The following DOK6 variants were observed in gnomAD, a reference collection of about 807,000 sequenced individuals.
DOK6 encodes downstream of tyrosine kinase 6.
DOK6 carries 22 observed loss-of-function variants against 44.0 expected under a neutral mutation model. That is an observed-to-expected ratio of 0.50 (90% CI 0.36 to 0.71). The LOEUF is 0.71. DOK6 is among the 30% of genes least tolerant of loss of function. The pLI, the probability that DOK6 is intolerant of heterozygous loss-of-function variation, is 0.00. For synonymous variants in DOK6, 166 were observed against 145.5 expected (o/e 1.14, Z -1.01); for missense variants, 340 against 416.4 (o/e 0.82, Z 1.60).
At chr18:69,651,427 T>C (rs1362089876) in intron 3 of DOK6, among the ~76,000 whole-genome samples, 3 of 151,836 alleles carry the variant, frequency 2.0e-5, no homozygotes, top group Non-Finnish European at 4.4e-5. Flanking sequence ...GACTTTTTGG[T>C]TCCTCCTTAG....
At chr18:69,806,556 T>G (rs1205542461) in intron 7 of DOK6, among the ~76,000 whole-genome samples, 2 of 151,908 alleles carry the variant, frequency 1.3e-5, no homozygotes, top group African/African-American at 4.8e-5. Flanking sequence ...GAAAAATAAA[T>G]TTTGCAGCTT....
chr18:69,448,160 T>C (rs1216884487), intron 1 of DOK6, among the ~76,000 whole-genome samples: 2 of 152,148 alleles, frequency 1.3e-5, no homozygotes, highest in African/African-American at 4.8e-5. Context: ...AATGCCACAG[T>C]GATTTCTTAC....
intron 3 of DOK6, among the ~76,000 whole-genome samples, chr18:69,648,512 G>A (rs1355828293): frequency 6.6e-6 from 1 of 152,162 alleles, no homozygotes; most frequent in East Asian, 1.9e-4. Context: ...CTATTAATGA[G>A]AGTTTATGTA....
At chr18:69,685,127 T>A (rs1986123643) in intron 4 of DOK6, among the ~76,000 whole-genome samples, 1 of 152,120 alleles carries the variant, frequency 6.6e-6, no homozygotes. Context: ...TGACAGAAAA[T>A]TAACGCAATT....
At chr18:69,580,126 G>A (rs908166711) in intron 2 of DOK6, among the ~76,000 whole-genome samples, 1 of 152,130 alleles carries the variant, frequency 6.6e-6, no homozygotes, top group African/African-American at 2.4e-5. Context: ...TTAGTTCACA[G>A]TTCTGGGGTC....
chr18:69,754,795 C>T (rs575981100), intron 6 of DOK6, among the ~76,000 whole-genome samples: 1 of 152,294 alleles, frequency 6.6e-6, no homozygotes, highest in Middle Eastern at 3.4e-3. Context: ...TATATCTTCC[C>T]TTAACCTTCA....
At chr18:69,647,668 T>G (rs1426947039) in intron 3 of DOK6, 1 of 152,182 alleles carries the variant, frequency 6.6e-6, no homozygotes. Flanking sequence ...CTCCCTGGAC[T>G]CCCCATAAAC....
chr18:69,725,666 T>G (rs1221411114), intron 5 of DOK6, among the ~76,000 whole-genome samples: 1 of 152,084 alleles, frequency 6.6e-6, no homozygotes, highest in African/African-American at 2.4e-5. Context: ...TTTTGTATTT[T>G]TAGTAGAGAC....
intron 2 of DOK6, among the ~76,000 whole-genome samples, chr18:69,598,287 T>A (rs112487322): frequency 2.0e-4 from 31 of 151,750 alleles, no homozygotes; most frequent in African/African-American, 7.5e-4. Flanking sequence ...TGTATATAAA[T>A]ATGCATGTGG....
chr18:69,703,082 T>G (rs538021680), intron 5 of DOK6, among the ~76,000 whole-genome samples: 1 of 151,786 alleles, frequency 6.6e-6, no homozygotes, highest in Non-Finnish European at 1.5e-5. Context: ...GGTATTATCA[T>G]AGCAAGAGAT....
intron 7 of DOK6, among the ~76,000 whole-genome samples, chr18:69,786,078 T>C (rs190626875): frequency 6.6e-6 from 1 of 152,292 alleles, no homozygotes; most frequent in African/African-American, 2.4e-5. Flanking sequence ...GTTTGATATT[T>C]AAAATGCTCT....
intron 3 of DOK6, chr18:69,661,557 C>A (rs1985527603): frequency 1.3e-5 from 2 of 152,280 alleles, no homozygotes; most frequent in South Asian, 4.1e-4. Context: ...ATGGTGGAGC[C>A]TCCTTCCTAT....
intron 5 of DOK6, among the ~76,000 whole-genome samples, chr18:69,711,973 A>G (rs1986765496): frequency 6.6e-6 from 1 of 152,160 alleles, no homozygotes. Flanking sequence ...ATCATTCTCT[A>G]TACTGGCATA....
At chr18:69,839,343 CT>C (rs1334680869) in intron 7 of DOK6, among the ~76,000 whole-genome samples, 1 of 150,672 alleles carries the variant, frequency 6.6e-6, no homozygotes, top group African/African-American at 2.4e-5. Context: ...AACTCCTCCC[CT>C]AGCCCCTCCC....
At chr18:69,696,815 A>G (rs1400557762) in intron 4 of DOK6, among the ~76,000 whole-genome samples, 1 of 152,200 alleles carries the variant, frequency 6.6e-6, no homozygotes, top group Non-Finnish European at 1.5e-5. Context: ...TTAATACTAA[A>G]TGTTAATACT....
intron 3 of DOK6, among the ~76,000 whole-genome samples, chr18:69,650,439 G>A (rs1985194617): frequency 6.6e-6 from 1 of 152,178 alleles, no homozygotes; most frequent in Non-Finnish European, 1.5e-5. Flanking sequence ...TATGAGCCAT[G>A]TCAGACCCGG....
chr18:69,641,370 G>A (rs1279350388), intron 3 of DOK6, among the ~76,000 whole-genome samples: 1 of 151,940 alleles, frequency 6.6e-6, no homozygotes, highest in Non-Finnish European at 1.5e-5. Context: ...TTTTATATTT[G>A]AACAATAGCA....
intron 7 of DOK6, among the ~76,000 whole-genome samples, chr18:69,823,590 CA>C (rs1981638713): frequency 6.6e-6 from 1 of 151,594 alleles, no homozygotes; most frequent in East Asian, 1.9e-4. Context: ...TTTCAAACCA[CA>C]AAGAGTCCTT....
At chr18:69,458,001 G>A (rs1035443448) in intron 1 of DOK6, among the ~76,000 whole-genome samples, 1 of 152,100 alleles carries the variant, frequency 6.6e-6, no homozygotes, top group African/African-American at 2.4e-5. Context: ...GAATTTGCTG[G>A]GCGTGGTGGC....
Sources: gnomAD v4.1 joint callset for allele counts (sites outside exome capture counted in the v4.1 genomes callset) on GRCh38, gnomAD v4.1.1 for gene constraint, MANE v1.5 for transcripts, NCBI Gene and HGNC (gene_info 2026-07-23, HGNC 2026-07-21) for gene names.